The following EIF4E3 variants were observed in gnomAD, a reference collection of about 807,000 sequenced individuals.
The protein encoded by EIF4E3 is eukaryotic translation initiation factor 4E family member 3.
In EIF4E3, 26 loss-of-function variants were observed where a neutral mutation model predicts 31.7. The observed-to-expected ratio is 0.82, with a 90% CI of 0.60 to 1.14. EIF4E3 has a LOEUF of 1.14. EIF4E3 is among the 50% of genes most tolerant of loss of function. EIF4E3 has a pLI of 0.00. For missense variants in EIF4E3, 304 were observed against 270.9 expected, an observed-to-expected ratio of 1.12 and a Z score of -0.86; for synonymous variants, 128 against 107.7, an observed-to-expected ratio of 1.19 and a Z score of -1.17.
intron 6 of EIF4E3, among the ~76,000 whole-genome samples, chr3:71,688,176 A>G (rs2049018212): frequency 6.6e-6 from 1 of 152,152 alleles, no homozygotes; most frequent in African/African-American, 2.4e-5. Flanking sequence ...TTAACTGGCC[A>G]AGTTGCAGTT....
In EIF4E3 at chr3:71,697,231, G is replaced by C. The variant is rs540175646; in HGVS notation, c.345-711C>G. Among the ~76,000 whole-genome samples, 496 of 151,956 alleles carry C rather than the reference G, an allele frequency of 3.3e-3. 5 individuals carry two copies. Among genetic ancestry groups the C allele is most frequent in the African/African-American group, 0.012 (478 of 41,430 alleles). On this transcript the variant is annotated intron_variant, in intron 3 of 6. Transcript: ENST00000425534. ...AGGGTCTCTCTCACTTTGCTGCTCA[G>C]GCTCGTCTTGAACTCCTGGCCTCAA...
rs993794221 is a variant in EIF4E3, at chr3:71,679,474, A to G, written c.*5208T>C. On this transcript the variant is annotated 3_prime_UTR_variant, in exon 7 of 7. Coordinates refer to ENST00000425534, the MANE Select transcript of EIF4E3 (RefSeq NM_001134651.2). ...TTCAGGCAGCAACCAAAACAAAAAC[A>G]TTTAACACAGATTCCTTCAATCTCA... The G allele has an allele frequency of 6.6e-5, 10 of 152,224 alleles. No homozygotes were observed. Among genetic ancestry groups the G allele is most frequent in the Non-Finnish European group, 1.2e-4 (8 of 68,030 alleles). The allele number at this position is 152,224 out of a possible 1,614,324, so 9.4% of individuals were successfully genotyped here. A position where few individuals can be genotyped will look rare whatever the true frequency, so the allele number is the denominator to read the frequency against.
chr3:71,713,574 C>T (rs898583164), intron 1 of EIF4E3, among the ~76,000 whole-genome samples: 3 of 152,120 alleles, frequency 2.0e-5, no homozygotes, highest in Middle Eastern at 3.4e-3. Context: ...GTAGCTGGGA[C>T]TACAGGTGCA....
At chr3:71,715,980 T>C (rs2049458432) in intron 1 of EIF4E3, among the ~76,000 whole-genome samples, 1 of 152,126 alleles carries the variant, frequency 6.6e-6, no homozygotes, top group Non-Finnish European at 1.5e-5. Context: ...TGACTCCCAG[T>C]AATAACTGAG....
At chr3:71,662,190 G>T in the EIF4E3 span, among the ~76,000 whole-genome samples, 1 of 152,190 alleles carries the variant, frequency 6.6e-6, no homozygotes, top group Non-Finnish European at 1.5e-5. Context: ...AGGTGGAGGG[G>T]AGAGTGTCTC....
At chr3:71,722,826 T>A (rs1266670295) in intron 1 of EIF4E3, among the ~76,000 whole-genome samples, 2 of 152,110 alleles carry the variant, frequency 1.3e-5, no homozygotes, top group South Asian at 4.1e-4. Context: ...GTAATGACAG[T>A]GTTAGTAGTT....
chr3:71,707,023 T>C (rs2049303417), intron 2 of EIF4E3, among the ~76,000 whole-genome samples: 1 of 152,188 alleles, frequency 6.6e-6, no homozygotes, highest in African/African-American at 2.4e-5. Flanking sequence ...CACCTCTGTG[T>C]TAGTGGTGGT....
rs751022382 is a variant in EIF4E3 at position 71,714,242 on chromosome 3, A to AAAGG, written c.177-3762_177-3759dup. ...AAAAGAAAGAAAGAAGGGAAGAAGG[A>AAAGG]AAGGAAGGAAGGAAGGAAGGAAGGA... On this transcript the variant is annotated intron_variant, in intron 1 of 6. Transcript: ENST00000425534. 2.2e-3 allele frequency among the ~76,000 whole-genome samples: 285 copies of AAAGG among 132,004 alleles called. 1 individual carries two copies. The highest frequency in any genetic ancestry group is 0.014 in the Middle Eastern group (4 of 288). 86.6% of individuals were successfully genotyped at this position (132,004 alleles called of 152,430 possible).
chr3:71,662,989 G>C, the EIF4E3 span, among the ~76,000 whole-genome samples: 1 of 152,068 alleles, frequency 6.6e-6, no homozygotes, highest in South Asian at 2.1e-4. Context: ...TAATTCTTCA[G>C]CTTACCTCCA....
chr3:71,743,483 C>A (rs2049841255), intron 1 of EIF4E3, among the ~76,000 whole-genome samples: 1 of 152,048 alleles, frequency 6.6e-6, no homozygotes, highest in Non-Finnish European at 1.5e-5. Context: ...AAAAGAAGAG[C>A]TGAAGAAATG....
chr3:71,669,982 C>T, the EIF4E3 span, among the ~76,000 whole-genome samples: 1 of 152,226 alleles, frequency 6.6e-6, no homozygotes, highest in South Asian at 2.1e-4. Context: ...AGACACAACA[C>T]TGACAAGAAC....
In EIF4E3 at chr3:71,685,174, C is replaced by A. The variant is rs762860573; in HGVS notation, c.629-446G>T. On this transcript the variant is annotated intron_variant, in intron 6 of 6. Coordinates refer to ENST00000425534, the MANE Select transcript of EIF4E3 (RefSeq NM_001134651.2). ...CTAAAAATAAAACAAAACAAAGAAC[C>A]ACACCAGGGTGACAGCAATTATATC... Among the ~76,000 whole-genome samples, 25 of 152,088 alleles carry A rather than the reference C, an allele frequency of 1.6e-4. 1 individual carries two copies. Among genetic ancestry groups the A allele is most frequent in the Non-Finnish European group, 4.4e-5 (3 of 68,032 alleles).
downstream of EIF4E3, among the ~76,000 whole-genome samples, chr3:71,670,823 T>G (rs554164275): frequency 7.2e-5 from 11 of 152,246 alleles, no homozygotes; most frequent in South Asian, 2.3e-3. Context: ...ATCTTCACAC[T>G]CTGTGGTGGG....
At position 71,725,122 on chromosome 3, in the gene EIF4E3, C is replaced by A. The variant is rs960138035; in HGVS notation, c.176+70G>T. On this transcript the variant is annotated intron_variant, in intron 1 of 6. Coordinates refer to ENST00000425534, the MANE Select transcript of EIF4E3 (RefSeq NM_001134651.2). The surrounding 1 kb of genome is among the most constrained non-coding windows in gnomAD (Gnocchi z 6.1). Reference sequence around the variant, plus strand: ...AGCGGGGCCGGGGCGAGGGGCCGCGCCGAGACAAAGCGGCGGTGGCGGCAG... The same window carrying A: ...AGCGGGGCCGGGGCGAGGGGCCGCGACGAGACAAAGCGGCGGTGGCGGCAG... 6.0e-6 allele frequency: 6 copies of A among 1,005,054 alleles called. No homozygotes were observed. In the African/African-American group the frequency reaches 8.8e-5, roughly 15 times the overall value. 62.3% of individuals were successfully genotyped at this position (1,005,054 alleles called of 1,614,324 possible). A position where few individuals can be genotyped will look rare whatever the true frequency, so the allele number is the denominator to read the frequency against.
Position 71,679,276 on chromosome 3 carries a change from ACACT to A in EIF4E3, c.*5402_*5405del, listed in dbSNP as rs1437614417. On this transcript the variant is annotated 3_prime_UTR_variant, in exon 7 of 7. Transcript: ENST00000425534. ...TAAATTTTCTATAGAAAACTCAGAA[ACACT>A]CAATTTACTTCATGTTCAGTTCTAT... The A allele has an allele frequency of 1.3e-5, 2 of 152,312 alleles. No homozygotes were observed. Among genetic ancestry groups the A allele is most frequent in the South Asian group, 2.1e-4 (1 of 4,828 alleles). The allele number at this position is 152,312 out of a possible 1,614,324, so 9.4% of individuals were successfully genotyped here. A position where few individuals can be genotyped will look rare whatever the true frequency, so the allele number is the denominator to read the frequency against.
At position 71,684,285 on chromosome 3, in the gene EIF4E3, C is replaced by A; in HGVS notation, c.*397G>T. 1 of 181,868 alleles carries A rather than the reference C, an allele frequency of 5.5e-6. No individual in the cohort carries two copies. Among genetic ancestry groups the A allele is most frequent in the African/African-American group, 2.4e-5 (1 of 41,960 alleles). The allele number at this position is 181,868 out of a possible 1,614,324, so 11.3% of individuals were successfully genotyped here. The stretch of plus-strand genomic sequence containing the variant: ...GTATTGTCACGATTATGCATATTCT[C>A]ATTAACTAGGTACAGCAGAGCTACT... On this transcript the variant is annotated 3_prime_UTR_variant, in exon 7 of 7. Coordinates refer to ENST00000425534, the MANE Select transcript of EIF4E3 (RefSeq NM_001134651.2).
At chr3:71,665,208 G>C in the EIF4E3 span, among the ~76,000 whole-genome samples, 259 of 152,248 alleles carry the variant, frequency 1.7e-3, no homozygotes, top group African/African-American at 6.0e-3. Context: ...ACTTATCCCA[G>C]TGAAAATTCA....
intron 1 of EIF4E3, among the ~76,000 whole-genome samples, chr3:71,731,664 G>T (rs929822478): frequency 7.9e-5 from 12 of 152,310 alleles, no homozygotes; most frequent in Non-Finnish European, 1.8e-4. Flanking sequence ...AAGAGTCTGT[G>T]ACTTTGTCTC....
chr3:71,660,125 C>T, the EIF4E3 span, among the ~76,000 whole-genome samples: 280 of 152,268 alleles, frequency 1.8e-3, 1 homozygote, highest in African/African-American at 5.8e-3. Flanking sequence ...CCAGCCTCTG[C>T]TCACACTCAG....
Sources: allele counts gnomAD v4.1 joint callset (sites outside exome capture counted in the v4.1 genomes callset), GRCh38; gene constraint gnomAD v4.1.1; non-coding constraint Gnocchi (gnomAD v3.1); transcripts MANE v1.5; gene names NCBI Gene and HGNC (gene_info 2026-07-23, HGNC 2026-07-21).